Variants in NRP1 observed in about 807,000 individuals in gnomAD.
NRP1 encodes the protein neuropilin 1.
NRP1 carries 35 observed loss-of-function variants against 106.7 expected under a neutral mutation model. The ratio of observed to expected loss-of-function variants is 0.33; its 90% CI spans 0.25 to 0.43. The LOEUF is 0.43. Among genes scored for constraint, NRP1 ranks in the 20% least tolerant of loss-of-function variants. The pLI is 1.00. For synonymous variants in NRP1, 437 were observed against 417.9 expected (o/e 1.05, Z -0.56); for missense variants, 1,024 against 1,170.4 (o/e 0.87, Z 1.83).
chr10:33,254,297 C>A, intron 5 of NRP1, 103 bp from the exon 6 acceptor site: 1 of 1,066,756 alleles, frequency 9.4e-7, no homozygotes, highest in South Asian at 1.7e-5. Context: ...ATTCAAAATT[C>A]TTTAAAAAGA....
intron 2 of NRP1, among the ~76,000 whole-genome samples, chr10:33,278,459 G>A (rs771479124): frequency 1.2e-4 from 18 of 152,102 alleles, no homozygotes; most frequent in Non-Finnish European, 2.4e-4. Context: ...GCTGCTGGAT[G>A]TACTTAAGCT....
intron 2 of NRP1, among the ~76,000 whole-genome samples, chr10:33,312,615 A>T (rs892322584): frequency 6.6e-6 from 1 of 152,248 alleles, no homozygotes. Context: ...ACAAAGTGCC[A>T]TCTTATCTCC....
chr10:33,194,419 A>G (rs1341207481), intron 12 of NRP1: 1 of 217,244 alleles, frequency 4.6e-6, no homozygotes, highest in African/African-American at 2.3e-5. Flanking sequence ...TTGTTTATAG[A>G]ACAGAAAATG....
intron 2 of NRP1, among the ~76,000 whole-genome samples, chr10:33,289,969 C>T (rs1307413259): frequency 6.6e-6 from 1 of 152,180 alleles, no homozygotes; most frequent in Non-Finnish European, 1.5e-5. Flanking sequence ...CTTTTCACCC[C>T]CACTTTAAAT....
At chr10:33,293,284 A>T (rs946659107) in intron 2 of NRP1, among the ~76,000 whole-genome samples, 5 of 152,184 alleles carry the variant, frequency 3.3e-5, no homozygotes, top group African/African-American at 1.2e-4. Context: ...TGGCCTGACA[A>T]ACTTTAACTT....
intron 2 of NRP1, among the ~76,000 whole-genome samples, chr10:33,289,533 G>A (rs538556192): frequency 6.6e-6 from 1 of 152,082 alleles, no homozygotes; most frequent in Admixed American, 6.6e-5. Flanking sequence ...TTCCCTAGTG[G>A]TGTTATAAAT....
intron 13 of NRP1, among the ~76,000 whole-genome samples, chr10:33,187,169 G>C (rs1329372118): frequency 6.6e-6 from 1 of 151,954 alleles, no homozygotes; most frequent in Non-Finnish European, 1.5e-5. Context: ...CACCACGCTG[G>C]GCCCAAGAAA....
chr10:33,182,438 G>A (rs1564359614), intron 16 of NRP1, among the ~76,000 whole-genome samples: 1 of 152,074 alleles, frequency 6.6e-6, no homozygotes, highest in Non-Finnish European at 1.5e-5. Flanking sequence ...GAAGGGCCAG[G>A]GTGAGCACAC....
At chr10:33,254,640 G>A (rs992803855) in intron 5 of NRP1, among the ~76,000 whole-genome samples, 26 of 152,160 alleles carry the variant, frequency 1.7e-4, no homozygotes, top group African/African-American at 6.3e-4. Context: ...CATACTCAAT[G>A]GATGGTAGAA....
chr10:33,208,730 TA>T (rs1564383068), intron 9 of NRP1, among the ~76,000 whole-genome samples: 2 of 152,148 alleles, frequency 1.3e-5, no homozygotes, highest in African/African-American at 2.4e-5. Flanking sequence ...TTAACTCATT[TA>T]ATCCTCAGAA....
chr10:33,301,236 G>A (rs760218132), intron 2 of NRP1, among the ~76,000 whole-genome samples: 4 of 152,192 alleles, frequency 2.6e-5, no homozygotes, highest in East Asian at 1.9e-4. Context: ...CAGCCTGTTC[G>A]CTTGGCTCCT....
chr10:33,269,731 T>G (rs1422401477), intron 3 of NRP1, among the ~76,000 whole-genome samples: 1 of 152,144 alleles, frequency 6.6e-6, no homozygotes, highest in Non-Finnish European at 1.5e-5. Flanking sequence ...CTCCTCCTCC[T>G]GTCAGATCAG....
intron 2 of NRP1, among the ~76,000 whole-genome samples, chr10:33,287,167 A>G (rs1844628633): frequency 6.6e-6 from 1 of 152,246 alleles, no homozygotes; most frequent in Non-Finnish European, 1.5e-5. Context: ...CAGAAGTAAC[A>G]TTGAATTTGG....
intron 2 of NRP1, among the ~76,000 whole-genome samples, chr10:33,292,903 C>T (rs1261664526): frequency 6.6e-6 from 1 of 151,646 alleles, no homozygotes; most frequent in African/African-American, 2.4e-5. Flanking sequence ...GGAGAATTGC[C>T]TGAACTCGGG....
intron 2 of NRP1, among the ~76,000 whole-genome samples, chr10:33,306,389 C>T (rs187301247): frequency 0.011 from 936 of 85,346 alleles, 9 homozygotes; most frequent in African/African-American, 0.036. Context: ...TGTGTGTGCA[C>T]GCTCCTGCAT....
chr10:33,194,283 A>C (rs73257931), intron 12 of NRP1: 14,786 of 156,004 alleles, frequency 0.095, 2,362 homozygotes, highest in African/African-American at 0.34. Context: ...GGAACATGTT[A>C]ATGTGTGTGT....
rs138684051 is a variant in NRP1, at chr10:33,308,112, C to T, written c.248+22596G>A. Among the ~76,000 whole-genome samples the T allele has an allele frequency of 6.0e-3, 915 of 151,896 alleles. 6 individuals are homozygous for T. The highest frequency in any genetic ancestry group is 0.025 in the South Asian group (121 of 4,808). On this transcript the variant is annotated intron_variant, in intron 2 of 16. Transcript: ENST00000374867. The stretch of plus-strand genomic sequence containing the variant: ...CCATCATCCTAAATGAACTAGTGCA[C>T]GAACAGAAAATAAAATAGTGCATGT...
At chr10:33,325,759 T>C (rs1299106425) in intron 2 of NRP1, among the ~76,000 whole-genome samples, 1 of 152,216 alleles carries the variant, frequency 6.6e-6, no homozygotes, top group African/African-American at 2.4e-5. Context: ...ATTAAACTTC[T>C]TACGAAGTTA....
At chr10:33,325,337 C>A (rs1847812299) in intron 2 of NRP1, among the ~76,000 whole-genome samples, 1 of 151,842 alleles carries the variant, frequency 6.6e-6, no homozygotes, top group African/African-American at 2.4e-5. Flanking sequence ...ATACAAAAAG[C>A]CAAAAACTCA....
Sources: allele counts gnomAD v4.1 joint callset (sites outside exome capture counted in the v4.1 genomes callset), GRCh38; gene constraint gnomAD v4.1.1; transcripts MANE v1.5; gene names NCBI Gene and HGNC (gene_info 2026-07-23, HGNC 2026-07-21).